The following MLIP variants were observed in gnomAD, a reference collection of about 807,000 sequenced individuals.
The protein encoded by MLIP is muscular LMNA-interacting protein.
A neutral mutation model predicts 84.8 loss-of-function variants in MLIP; 79 were observed. The ratio of observed to expected loss-of-function variants is 0.93; its 90% confidence interval spans 0.78 to 1.12. The LOEUF (loss-of-function observed/expected upper bound fraction) is 1.12. MLIP is among the 50% of genes most tolerant of loss of function. The pLI is 0.00. For missense variants in MLIP, 1,257 were observed against 1,160.6 expected (o/e 1.08, Z -1.21); for synonymous variants, 504 against 463.0 (o/e 1.09, Z -1.14).
At chr6:54,179,954 G>C (rs991278076) in intron 9 of MLIP, among the ~76,000 whole-genome samples, 5 of 152,092 alleles carry the variant, frequency 3.3e-5, no homozygotes, top group Non-Finnish European at 2.9e-5. Context: ...AAATTGAAGA[G>C]CCCTCTTTAG....
chr6:54,068,594 A>AGTC (rs1766331147), intron 1 of MLIP, among the ~76,000 whole-genome samples: 1 of 101,016 alleles, frequency 9.9e-6, no homozygotes, highest in African/African-American at 2.5e-5. Context: ...ATTTCTTGTT[A>AGTC]GTCTAGCTTA....
At chr6:54,223,637 T>C (rs1345779667) in intron 11 of MLIP, among the ~76,000 whole-genome samples, 1 of 152,108 alleles carries the variant, frequency 6.6e-6, no homozygotes, top group Non-Finnish European at 1.5e-5. Flanking sequence ...TAATACACTT[T>C]GAAATCACAA....
At chr6:54,088,232 G>A (rs1767628257) in intron 1 of MLIP, among the ~76,000 whole-genome samples, 1 of 152,186 alleles carries the variant, frequency 6.6e-6, no homozygotes, top group African/African-American at 2.4e-5. Context: ...TCCTGAATAT[G>A]TCAAAAGTCA....
chr6:54,094,199 C>G (rs1768054071), intron 1 of MLIP, among the ~76,000 whole-genome samples: 1 of 151,510 alleles, frequency 6.6e-6, no homozygotes, highest in Admixed American at 6.6e-5. Flanking sequence ...TTGTAGAAGC[C>G]ACTCCTGATA....
rs1472777248 is a variant in MLIP at position 54,187,037 on chromosome 6, AT to A, written c.2545-2832del. On this transcript the variant is annotated intron_variant, in intron 9 of 13. Coordinates refer to ENST00000502396, the MANE Select transcript of MLIP (RefSeq NM_001281747.2). ...AAAAAGAAAAAAGATAATTTAAAAA[AT>A]AATCCCTACCCTACATTCTTGGGTG... 3.9e-5 allele frequency among the ~76,000 whole-genome samples: 6 copies of A among 152,344 alleles called. No individual in the cohort carries two copies. In the South Asian group the frequency reaches 1.2e-3, roughly 32 times the overall value.
rs1404977503 is a variant in MLIP, at chr6:54,207,744, G to A, written c.2718+5511G>A. On this transcript the variant is annotated intron_variant, in intron 11 of 13. Transcript: ENST00000502396. Reference sequence around the variant, plus strand: ...AACAATGACCTTTTGAAAGTTTTACGCAAATGTGTTCTATGTTTTGTTAAC... The same window carrying A: ...AACAATGACCTTTTGAAAGTTTTACACAAATGTGTTCTATGTTTTGTTAAC... Among the ~76,000 whole-genome samples, 5 of 152,094 alleles carry A rather than the reference G, an allele frequency of 3.3e-5. No homozygotes were observed. In the East Asian group the frequency reaches 7.7e-4, roughly 23 times the overall value.
intron 10 of MLIP, among the ~76,000 whole-genome samples, chr6:54,197,303 A>G (rs1313704397): frequency 2.0e-5 from 3 of 152,044 alleles, no homozygotes; most frequent in African/African-American, 7.2e-5. Flanking sequence ...GACTCGACTT[A>G]TACTGTGGTT....
chr6:54,023,849 C>G (rs1262565224), intron 1 of MLIP, among the ~76,000 whole-genome samples: 1 of 152,004 alleles, frequency 6.6e-6, no homozygotes, highest in Non-Finnish European at 1.5e-5. Context: ...GGATTACAGG[C>G]GAGAGCCACT....
At chr6:54,066,938 T>C (rs1298939564) in intron 1 of MLIP, among the ~76,000 whole-genome samples, 1 of 100,072 alleles carries the variant, frequency 1.0e-5, no homozygotes, top group African/African-American at 2.6e-5. Flanking sequence ...AGGATTTAAT[T>C]TAAACCAAAA....
At chr6:54,215,918 C>T (rs957534709) in intron 11 of MLIP, 7 of 155,392 alleles carry the variant, frequency 4.5e-5, no homozygotes, top group Admixed American at 1.3e-4. Flanking sequence ...AGTGAGATCA[C>T]GCAATATTTG....
At chr6:54,203,258 G>A (rs1214816438) in intron 11 of MLIP, among the ~76,000 whole-genome samples, 1 of 152,120 alleles carries the variant, frequency 6.6e-6, no homozygotes, top group Non-Finnish European at 1.5e-5. Flanking sequence ...ATGCAGCAAA[G>A]AGTATGGGCT....
chr6:54,214,359 G>A (rs944045770), intron 11 of MLIP, among the ~76,000 whole-genome samples: 4 of 152,256 alleles, frequency 2.6e-5, no homozygotes, highest in South Asian at 2.1e-4. Flanking sequence ...CTTGGCAATC[G>A]CTGGAAAAAT....
intron 11 of MLIP, among the ~76,000 whole-genome samples, chr6:54,228,221 GAA>G (rs1780738298): frequency 8.6e-6 from 1 of 116,474 alleles, no homozygotes; most frequent in African/African-American, 3.3e-5. Context: ...AAAAGAGAAA[GAA>G]AAAAGAAACA....
chr6:54,144,070 A>C (rs1281874113), intron 4 of MLIP, among the ~76,000 whole-genome samples: 1 of 152,106 alleles, frequency 6.6e-6, no homozygotes, highest in Non-Finnish European at 1.5e-5. Flanking sequence ...AGTTTTTGAC[A>C]GTTGTATCCT....
At chr6:54,173,540 A>G (rs1440327667) in intron 9 of MLIP, among the ~76,000 whole-genome samples, 2 of 151,896 alleles carry the variant, frequency 1.3e-5, no homozygotes, top group East Asian at 3.9e-4. Context: ...TCATTTTTAA[A>G]CTTTATTTCC....
intron 1 of MLIP, among the ~76,000 whole-genome samples, chr6:54,089,375 A>G (rs1233226941): frequency 1.3e-5 from 2 of 152,172 alleles, no homozygotes; most frequent in East Asian, 3.8e-4. Flanking sequence ...CTAACTGATT[A>G]GTTTTATATC....
At chr6:54,071,294 A>G (rs1766470277) in intron 1 of MLIP, among the ~76,000 whole-genome samples, 1 of 152,142 alleles carries the variant, frequency 6.6e-6, no homozygotes, top group Admixed American at 6.5e-5. Context: ...TTTAATATGC[A>G]TGAATGCTGT....
intron 1 of MLIP, among the ~76,000 whole-genome samples, chr6:54,053,062 A>G (rs1765463142): frequency 6.6e-6 from 1 of 152,196 alleles, no homozygotes; most frequent in Admixed American, 6.5e-5. Context: ...AAAAGTGAGC[A>G]CTTATATTAG....
chr6:54,176,582 C>A (rs1056444500), intron 9 of MLIP, among the ~76,000 whole-genome samples: 3 of 151,712 alleles, frequency 2.0e-5, no homozygotes, highest in South Asian at 2.1e-4. Context: ...TTATTCCATG[C>A]TCCTGCATAG....
Sources: gnomAD v4.1 joint callset for allele counts (sites outside exome capture counted in the v4.1 genomes callset) on GRCh38, gnomAD v4.1.1 for gene constraint, MANE v1.5 for transcripts, NCBI Gene and HGNC (gene_info 2026-07-23, HGNC 2026-07-21) for gene names.